Variants in STK26 observed in about 807,000 individuals in gnomAD.
STK26 encodes the protein serine/threonine kinase 26.
A neutral mutation model predicts 34.7 loss-of-function variants in STK26; 14 were observed. The ratio of observed to expected loss-of-function variants is 0.40; its 90% CI spans 0.27 to 0.63. The LOEUF (loss-of-function observed/expected upper bound fraction) is 0.63. STK26 is among the 30% of genes least tolerant of loss of function. The pLI, the probability that STK26 is intolerant of heterozygous loss-of-function variation, is 0.38. For synonymous variants in STK26, 100 were observed against 109.8 expected (o/e 0.91, Z 0.56); for missense variants, 226 against 309.1 (o/e 0.73, Z 2.02).
intron 2 of STK26, 47 bp downstream of exon 2, chrX:132,023,706 G>A (rs747024098): frequency 1.7e-6 from 2 of 1,153,810 alleles, no homozygotes; most frequent in African/African-American, 3.5e-5. Context: ...CTGCTTGGGA[G>A]CCCGGTGCGC....
At chrX:132,040,537 C>T (rs1295671754) in intron 2 of STK26, among the ~76,000 whole-genome samples, 5 of 111,319 alleles carry the variant, frequency 4.5e-5, no homozygotes, top group African/African-American at 1.6e-4. Context: ...TGTGCAGATA[C>T]ATTTTAGTAT....
intron 3 of STK26, among the ~76,000 whole-genome samples, chrX:132,059,196 CTTA>C (rs1489232254): frequency 9.0e-6 from 1 of 111,612 alleles, no homozygotes; most frequent in Admixed American, 9.5e-5. Context: ...AACTTACATA[CTTA>C]TTGTGGCCCA....
chrX:132,029,480 G>A (rs1033283617), intron 2 of STK26, among the ~76,000 whole-genome samples: 14 of 110,089 alleles, frequency 1.3e-4, no homozygotes, highest in Admixed American at 3.9e-4. Context: ...CTAATCACAT[G>A]AAAACACTGC....
At chrX:132,025,031 A>T (rs1271275125) in intron 2 of STK26, among the ~76,000 whole-genome samples, 1 of 111,179 alleles carries the variant, frequency 9.0e-6, no homozygotes, top group African/African-American at 3.3e-5. Flanking sequence ...TCTTCCTCTC[A>T]GGCGGCCTCC....
Position 132,068,418 on chromosome X carries a change from A to G in STK26, c.446A>G (p.Asn149Ser). The G allele has an allele frequency of 8.3e-7, 1 of 1,208,422 alleles. No individual in the cohort carries two copies. The highest frequency in any genetic ancestry group is 1.1e-6 in the Non-Finnish European group (1 of 894,520). Residue 149 changes from asparagine to serine, a missense_variant, in exon 6 of 12, where the codon AAT becomes AGT. Physicochemically the swap from Asn to Ser is conservative, Grantham distance 46. Coordinates refer to ENST00000394334, the MANE Select transcript of STK26 (RefSeq NM_016542.4). Reference protein sequence around the residue: ...KKIHRDIKAANVLLSEQGDVK... With the variant: ...KKIHRDIKAASVLLSEQGDVK... Reference sequence around the variant, plus strand: ...TTTCTTTTTTTCCTCCTAGCTGCCAATGTCTTGCTCTCAGAACAAGGAGAT... The same window carrying G: ...TTTCTTTTTTTCCTCCTAGCTGCCAGTGTCTTGCTCTCAGAACAAGGAGAT...
intron 1 of STK26, 35 bp from the exon 2 acceptor site, chrX:132,023,473 C>T: frequency 1.3e-6 from 1 of 760,413 alleles, no homozygotes; most frequent in Non-Finnish European, 2.0e-6. Context: ...TACGCGCCGC[C>T]AGCCCAGTAA....
At chrX:132,030,776 AT>A (rs1925803071) in intron 2 of STK26, among the ~76,000 whole-genome samples, 2 of 111,373 alleles carry the variant, frequency 1.8e-5, no homozygotes. Context: ...GACTCGAAGA[AT>A]TTCCACCACA....
rs151242375 is a variant in STK26, at chrX:132,030,936, C to T, written c.42+7277C>T. Among the ~76,000 whole-genome samples, 482 of 110,284 alleles carry T rather than the reference C, an allele frequency of 4.4e-3. 3 individuals are homozygous for T. Among genetic ancestry groups the T allele is most frequent in the African/African-American group, 0.015 (456 of 30,211 alleles). ...AATAATTATACATATCTATGGGATA[C>T]AGAGTAATATTTTTTTTTGAGGCAG... On this transcript the variant is annotated intron_variant, in intron 2 of 11. Coordinates refer to ENST00000394334, the MANE Select transcript of STK26 (RefSeq NM_016542.4).
chrX:132,042,243 A>C (rs1391032705), intron 2 of STK26, among the ~76,000 whole-genome samples: 3 of 111,485 alleles, frequency 2.7e-5, no homozygotes, highest in African/African-American at 9.8e-5. Flanking sequence ...AACAAAAAGT[A>C]GAAGAGTCTT....
At chrX:132,073,922 C>G (rs1343116218) in intron 11 of STK26, among the ~76,000 whole-genome samples, 1 of 111,199 alleles carries the variant, frequency 9.0e-6, no homozygotes, top group African/African-American at 3.3e-5. Flanking sequence ...TAATGAAAAC[C>G]CCCCATTTGA....
chrX:132,062,225 A>G (rs1927075371), intron 3 of STK26, among the ~76,000 whole-genome samples: 2 of 112,278 alleles, frequency 1.8e-5, no homozygotes, highest in South Asian at 7.3e-4. Flanking sequence ...TTCTACTTCC[A>G]GTCAGCTCTT....
Position 132,026,623 on chromosome X carries a change from A to T in STK26, c.42+2964A>T, listed in dbSNP as rs745422725. ...TTAAGTTTAAGATATTTCCCCTTAG[A>T]GCCTACAATAGTATTTTTGAGGACA... On this transcript the variant is annotated intron_variant, in intron 2 of 11. Transcript: ENST00000394334. Among the ~76,000 whole-genome samples the T allele has an allele frequency of 5.3e-5, 6 of 112,565 alleles. No individual in the cohort carries two copies. The South Asian group carries it at 1.8e-3, about 34-fold the overall frequency.
Position 132,023,424 on chromosome X carries a change from G to A in STK26, c.-111+17G>A. 2 of 566,667 alleles carry A rather than the reference G, an allele frequency of 3.5e-6. No individual in the cohort carries two copies. The highest frequency in any genetic ancestry group is 3.1e-6 in the Non-Finnish European group (1 of 323,857). The allele number at this position is 566,667 out of a possible 1,213,427, so 46.7% of individuals were successfully genotyped here. On this transcript the variant is annotated intron_variant, in intron 1 of 11. Coordinates refer to ENST00000394334, the MANE Select transcript of STK26 (RefSeq NM_016542.4). Reference sequence around the variant, plus strand: ...GCCAGAAAGGTAGACTGAGTCCCAGGGAGCTGCGCCGCTAACAGCCCACCT... The same window carrying A: ...GCCAGAAAGGTAGACTGAGTCCCAGAGAGCTGCGCCGCTAACAGCCCACCT...
intron 4 of STK26, 32 bp from the exon 5 acceptor site, chrX:132,068,183 T>C (rs1927282317): frequency 1.9e-6 from 2 of 1,058,283 alleles, no homozygotes; most frequent in Non-Finnish European, 2.6e-6. Context: ...TTTACACATA[T>C]GTGTATGTGT....
At chrX:132,055,369 A>G (rs1443925652) in intron 3 of STK26, 2 of 830,000 alleles carry the variant, frequency 2.4e-6, no homozygotes, top group Non-Finnish European at 1.7e-6. Context: ...CATCTTAAGC[A>G]TGTGGTAAAT....
chrX:132,058,607 A>T (rs1054950028), intron 3 of STK26, among the ~76,000 whole-genome samples: 10 of 111,319 alleles, frequency 9.0e-5, no homozygotes, highest in African/African-American at 3.3e-4. Context: ...ACAGTAGTAT[A>T]CATGTACTAG....
At chrX:132,051,485 C>T (rs1421783327) in intron 2 of STK26, among the ~76,000 whole-genome samples, 2 of 111,441 alleles carry the variant, frequency 1.8e-5, no homozygotes, top group Non-Finnish European at 3.8e-5. Context: ...CTATTTGACA[C>T]TACAGAACAT....
intron 11 of STK26, among the ~76,000 whole-genome samples, chrX:132,073,645 A>T (rs1927497206): frequency 8.9e-6 from 1 of 112,417 alleles, no homozygotes; most frequent in Non-Finnish European, 1.9e-5. Flanking sequence ...TTAATTTTTT[A>T]AAAAATTTTC....
chrX:132,074,186 T>C lies in STK26; in HGVS notation c.*27T>C, dbSNP rs938144545. ...AAACTTATTATTGGCTTCTGTTTCA[T>C]ATGGACCCAGAGAGCCCCACCAAAC... On this transcript the variant is annotated 3_prime_UTR_variant, in exon 12 of 12. Transcript: ENST00000394334. 8.4e-7 allele frequency: 1 copy of C among 1,197,053 alleles called. No homozygotes were observed. Among genetic ancestry groups the C allele is most frequent in the East Asian group, 3.0e-5 (1 of 33,554 alleles).
Sources: allele counts gnomAD v4.1 joint callset (sites outside exome capture counted in the v4.1 genomes callset), GRCh38; gene constraint gnomAD v4.1.1; transcripts MANE v1.5; gene names NCBI Gene and HGNC (gene_info 2026-07-23, HGNC 2026-07-21).